The following SLCO2A1 variants were observed in gnomAD, a reference collection of about 807,000 sequenced individuals.
SLCO2A1 encodes matrin F/G 1.
A neutral mutation model predicts 71.7 loss-of-function variants in SLCO2A1; 60 were observed. That is an observed-to-expected ratio of 0.84 (90% confidence interval 0.68 to 1.04). The LOEUF (loss-of-function observed/expected upper bound fraction) is 1.04, where lower values mean the gene tolerates loss of function less well. Among genes scored for constraint, SLCO2A1 ranks in the 50% least tolerant of loss-of-function variants. The pLI is 0.00. For missense variants in SLCO2A1, 745 were observed against 813.4 expected (o/e 0.92, Z 1.02); for synonymous variants, 308 against 326.7 (o/e 0.94, Z 0.62).
In SLCO2A1 at chr3:133,979,461, G is replaced by A; in HGVS notation, c.234+20C>T. The A allele has an allele frequency of 6.2e-7, 1 of 1,614,086 alleles. No homozygotes were observed. Among genetic ancestry groups the A allele is most frequent in the Non-Finnish European group, 8.5e-7 (1 of 1,179,986 alleles). On this transcript the variant is annotated intron_variant, in intron 2 of 13. Transcript: ENST00000310926. ...CGTGGTGCACAAGTGGAGTCTGATG[G>A]ACCAGAACCTCCTGCTCACCTCATT... is the stretch of plus-strand genomic sequence containing the variant.
chr3:133,963,799 A>C (rs1934101004), intron 3 of SLCO2A1, among the ~76,000 whole-genome samples: 1 of 147,690 alleles, frequency 6.8e-6, no homozygotes, highest in Admixed American at 6.8e-5. Context: ...AACCTCATTC[A>C]GAATGTTCCA....
chr3:134,014,748 C>T (rs57097766), intron 1 of SLCO2A1, among the ~76,000 whole-genome samples: 4,636 of 152,198 alleles, frequency 0.03, 176 homozygotes, highest in Admixed American at 0.077. Context: ...TCCGTGGTCA[C>T]GGGAAGAAGA....
intron 3 of SLCO2A1, among the ~76,000 whole-genome samples, chr3:133,958,173 G>A (rs1035316933): frequency 6.6e-6 from 1 of 152,238 alleles, no homozygotes; most frequent in Non-Finnish European, 1.5e-5. Flanking sequence ...GCAGATCCCA[G>A]GGTGAGGTCA....
At chr3:133,991,746 C>T (rs1016553424) in intron 1 of SLCO2A1, among the ~76,000 whole-genome samples, 3 of 152,138 alleles carry the variant, frequency 2.0e-5, no homozygotes, top group South Asian at 2.1e-4. Context: ...TGCAGGGGGC[C>T]GGAGGAGCCA....
chr3:134,024,386 G>T (rs1276813817), intron 1 of SLCO2A1, among the ~76,000 whole-genome samples: 1 of 152,140 alleles, frequency 6.6e-6, no homozygotes, highest in East Asian at 1.9e-4. Context: ...TATTTTTGTG[G>T]GTGACAGTTA....
chr3:133,965,939 T>A (rs950887032), intron 3 of SLCO2A1, among the ~76,000 whole-genome samples: 4 of 152,122 alleles, frequency 2.6e-5, no homozygotes, highest in African/African-American at 7.2e-5. Context: ...AAGAGAGAAT[T>A]CAGGGAAATC....
intron 1 of SLCO2A1, among the ~76,000 whole-genome samples, chr3:134,015,557 T>C (rs971651017): frequency 6.6e-6 from 1 of 152,106 alleles, no homozygotes; most frequent in Admixed American, 6.5e-5. Flanking sequence ...AATAATGTAA[T>C]ATATATTTCA....
rs1297952865 is a variant in SLCO2A1, at chr3:133,971,451, A to G, written c.397+2212T>C. Among the ~76,000 whole-genome samples, 3 of 152,240 alleles carry G rather than the reference A, an allele frequency of 2.0e-5. No homozygotes were observed. In the South Asian group the frequency reaches 6.2e-4, roughly 32 times the overall value. On this transcript the variant is annotated intron_variant, in intron 3 of 13. Coordinates refer to ENST00000310926, the MANE Select transcript of SLCO2A1 (RefSeq NM_005630.3). ...TGACCAGTTCACTGGAGATTTATAAAAAGGTGGGGGAAAGAGTTCCATGAC... is the reference window on the plus strand; with the variant it reads ...TGACCAGTTCACTGGAGATTTATAAGAAGGTGGGGGAAAGAGTTCCATGAC...
chr3:133,943,690 T>C (rs769223006), intron 10 of SLCO2A1, among the ~76,000 whole-genome samples: 6 of 152,322 alleles, frequency 3.9e-5, no homozygotes, highest in Non-Finnish European at 7.3e-5. Flanking sequence ...AGATTATTTC[T>C]GGAAGTAGGT....
chr3:133,954,277 C>T (rs1933828240), intron 4 of SLCO2A1, among the ~76,000 whole-genome samples: 2 of 151,200 alleles, frequency 1.3e-5, no homozygotes, highest in South Asian at 4.2e-4. Flanking sequence ...ATTCTCCTGC[C>T]TCAGCATCCC....
At chr3:133,946,480 C>T (rs372966822) in intron 9 of SLCO2A1, among the ~76,000 whole-genome samples, 49 of 152,290 alleles carry the variant, frequency 3.2e-4, no homozygotes, top group African/African-American at 1.1e-3. Context: ...GCAGACTTTA[C>T]CTGACCTTCT....
At chr3:133,970,314 G>A (rs112540363) in intron 3 of SLCO2A1, among the ~76,000 whole-genome samples, 2 of 152,064 alleles carry the variant, frequency 1.3e-5, no homozygotes, top group African/African-American at 2.4e-5. Flanking sequence ...CAGGGAGGAG[G>A]TGGCTCGAGC....
chr3:133,935,118 G>A (rs777218098), intron 13 of SLCO2A1, among the ~76,000 whole-genome samples: 18 of 152,078 alleles, frequency 1.2e-4, no homozygotes, highest in Admixed American at 2.0e-4. Context: ...ACCCCCAGAC[G>A]GTCCTGACCT....
intron 2 of SLCO2A1, among the ~76,000 whole-genome samples, chr3:133,976,846 A>G (rs1934470451): frequency 6.6e-6 from 1 of 152,136 alleles, no homozygotes; most frequent in South Asian, 2.1e-4. Context: ...TGGACAAGAG[A>G]AGCTGCTGCT....
At chr3:133,973,903 T>C in intron 2 of SLCO2A1, 78 bp from the exon 3 acceptor site, 1 of 1,386,372 alleles carries the variant, frequency 7.2e-7, no homozygotes, top group Non-Finnish European at 9.8e-7. Flanking sequence ...CGATCACACT[T>C]CATCCAGGAA....
intron 1 of SLCO2A1, among the ~76,000 whole-genome samples, chr3:133,993,248 T>A (rs1229246878): frequency 6.6e-6 from 1 of 152,248 alleles, no homozygotes; most frequent in Non-Finnish European, 1.5e-5. Context: ...TAGGTCCAGT[T>A]CCCGTGCACT....
At chr3:134,021,565 C>A (rs537091759) in intron 1 of SLCO2A1, among the ~76,000 whole-genome samples, 1 of 151,194 alleles carries the variant, frequency 6.6e-6, no homozygotes, top group South Asian at 2.1e-4. Flanking sequence ...AAGGAAAGAC[C>A]AGCAGAGAGA....
At chr3:134,027,102 T>C (rs1935713587) in intron 1 of SLCO2A1, among the ~76,000 whole-genome samples, 1 of 152,198 alleles carries the variant, frequency 6.6e-6, no homozygotes, top group South Asian at 2.1e-4. Context: ...TCACTATCGA[T>C]CTGTCTTGCA....
At chr3:134,003,752 G>A (rs889180576) in intron 1 of SLCO2A1, among the ~76,000 whole-genome samples, 4 of 152,198 alleles carry the variant, frequency 2.6e-5, no homozygotes, top group Non-Finnish European at 5.9e-5. Context: ...GCCACAGTCT[G>A]CAGTTATTCA....
Sources: gnomAD v4.1 joint callset for allele counts (sites outside exome capture counted in the v4.1 genomes callset) on GRCh38, gnomAD v4.1.1 for gene constraint, MANE v1.5 for transcripts, NCBI Gene and HGNC (gene_info 2026-07-23, HGNC 2026-07-21) for gene names.